Variants in PARP2 observed in about 807,000 individuals in gnomAD.
The protein encoded by PARP2 is poly [ADP-ribose] polymerase 2.
Under a neutral mutation model 77.8 loss-of-function variants are expected in PARP2, and 57 were observed. That is an observed-to-expected ratio of 0.73 (90% CI 0.59 to 0.91). The LOEUF (loss-of-function observed/expected upper bound fraction) is 0.91. PARP2 is among the 40% of genes least tolerant of loss of function. The pLI is 0.00. For missense variants in PARP2, 651 were observed against 689.0 expected (o/e 0.94, Z 0.62); for synonymous variants, 226 against 242.6 (o/e 0.93, Z 0.64).
rs566133010 is a variant in PARP2 at position 20,343,660 on chromosome 14, C to G, written c.19C>G (p.Arg7Gly). The change falls in exon 1 of 16, where the codon CGG (arginine) becomes GGG (glycine). Residue 7 changes from arginine (R) to glycine (G), a missense_variant. Arg to Gly is a moderately radical substitution (Grantham distance 125, BLOSUM62 -2). Transcript: ENST00000429687. ...GAATTCCATGGCGGCGCGGCGGCGACGGAGCACCGGCGGCGGCAGGGCGAG... is the reference window on the plus strand; with the variant it reads ...GAATTCCATGGCGGCGCGGCGGCGAGGGAGCACCGGCGGCGGCAGGGCGAG... MAARRR[R>G]STGGGRARAL... 8.1e-6 allele frequency: 13 copies of G among 1,610,650 alleles called. No individual in the cohort carries two copies. In the South Asian group the frequency reaches 1.2e-4, roughly 15 times the overall value.
Position 20,357,409 on chromosome 14 carries a change from A to T in PARP2, c.1442A>T (p.Gln481Leu), listed in dbSNP as rs763887814. 6.2e-7 allele frequency: 1 copy of T among 1,609,652 alleles called. No homozygotes were observed. Among genetic ancestry groups the T allele is most frequent in the Non-Finnish European group, 8.5e-7 (1 of 1,178,646 alleles). Reference protein sequence around the residue: ...LLLLSEVALGQCNELLEANPK... With the variant: ...LLLLSEVALGLCNELLEANPK... Reference sequence around the variant, plus strand: ...TTTGCTTTGCAGGTAGCTCTAGGTCAGTGTAATGAACTACTAGAGGCCAAT... The same window carrying T: ...TTTGCTTTGCAGGTAGCTCTAGGTCTGTGTAATGAACTACTAGAGGCCAAT... Residue 481 changes from glutamine (Q) to leucine (L), a missense_variant, in exon 15 of 16, where the codon CAG (glutamine) becomes CTG (leucine). Gln to Leu is a moderately radical substitution (Grantham distance 113). Coordinates refer to ENST00000429687, the MANE Select transcript of PARP2 (RefSeq NM_001042618.2).
At chr14:20,343,722 G>A (rs868031889) in intron 1 of PARP2, 35 bp downstream of exon 1, 2 of 1,603,076 alleles carry the variant, frequency 1.2e-6, no homozygotes, top group African/African-American at 1.3e-5. Flanking sequence ...GGCATGCGGG[G>A]GGCGGGCAGT....
In PARP2 at chr14:20,352,269, T is replaced by C. The variant is rs1040060515; in HGVS notation, c.522T>C (p.Asn174=). ...GATTCCTTGACAAAACGAAAAACAA[T>C]TGGGAAGATCGAGAAAAGTTTGAGA... ...QKKFLDKTKN[N]WEDREKFEKV... is the part of the protein sequence containing the mutation. The change falls in exon 7 of 16, where the codon AAT becomes AAC. Residue 174 remains asparagine (N), a synonymous_variant. Coordinates refer to ENST00000429687, the MANE Select transcript of PARP2 (RefSeq NM_001042618.2). The C allele has an allele frequency of 2.5e-6, 4 of 1,612,566 alleles. No homozygotes were observed. Among genetic ancestry groups the C allele is most frequent in the South Asian group, 1.1e-5 (1 of 91,048 alleles).
At chr14:20,356,534 G>A in intron 12 of PARP2, 56 bp from the exon 13 acceptor site, 1 of 1,598,792 alleles carries the variant, frequency 6.3e-7, no homozygotes, top group Non-Finnish European at 8.6e-7. Flanking sequence ...GCTTTTTTAT[G>A]CTTATGGCCT....
At chr14:20,355,655 G>T (rs1884116985) in intron 9 of PARP2, 97 bp from the exon 10 acceptor site, 1 of 875,298 alleles carries the variant, frequency 1.1e-6, no homozygotes, top group Non-Finnish European at 1.9e-6. Flanking sequence ...TCTCATACCT[G>T]TTTTCTAAAG....
At chr14:20,353,523 G>A (rs370185544) in intron 7 of PARP2, among the ~76,000 whole-genome samples, 10 of 152,274 alleles carry the variant, frequency 6.6e-5, no homozygotes, top group East Asian at 1.9e-4. Flanking sequence ...GATTACAAGC[G>A]TGAGCCACTG....
intron 4 of PARP2, 111 bp downstream of exon 4, chr14:20,347,024 TTTA>T: frequency 7.0e-6 from 5 of 710,816 alleles, no homozygotes; most frequent in African/African-American, 1.8e-5. Flanking sequence ...TTTTTTTTTT[TTTA>T]AATTTTGTTT....
rs1267393159 is a variant in PARP2, at chr14:20,345,056, TA to T, written c.173del (p.Asn58IlefsTer13). 1.1e-5 allele frequency: 17 copies of T among 1,613,938 alleles called. No individual in the cohort carries two copies. The highest frequency in any genetic ancestry group is 1.4e-5 in the Non-Finnish European group (17 of 1,179,982). ...AGATGCCTGTGGCTGGAGGAAAAGC[TA>T]ATAAGGACAGGACAGAAGACAAGCA... ...KKMPVAGGKA[N>X]KDRTEDKQDE... On this transcript the variant is annotated frameshift_variant, in exon 2 of 16. Coordinates refer to ENST00000429687, the MANE Select transcript of PARP2 (RefSeq NM_001042618.2). LOFTEE classifies it high-confidence loss of function.
chr14:20,353,974 G>A (rs1884050590), intron 7 of PARP2, 111 bp from the exon 8 acceptor site: 1 of 821,538 alleles, frequency 1.2e-6, no homozygotes, highest in Non-Finnish European at 1.9e-6. Context: ...TCCCTAGACA[G>A]TGCAATATAA....
In PARP2 at chr14:20,357,757, A is replaced by G; in HGVS notation, c.1673A>G (p.Tyr558Cys). 2 of 1,613,818 alleles carry G rather than the reference A, an allele frequency of 1.2e-6. No individual in the cohort carries two copies. Among genetic ancestry groups the G allele is most frequent in the Non-Finnish European group, 1.7e-6 (2 of 1,179,876 alleles). The change falls in exon 16 of 16, where the codon TAC becomes TGC. Residue 558 changes from tyrosine to cysteine, a missense_variant. Tyr to Cys is a radical substitution (Grantham distance 194, BLOSUM62 -2). Coordinates refer to ENST00000429687, the MANE Select transcript of PARP2 (RefSeq NM_001042618.2). ...AACCCCAACCAGGTCCGTATGCGGT[A>G]CCTTTTAAAGGTTCAGTTTAATTTC... ...VYNPNQVRMR[Y>C]LLKVQFNFLQ...
chr14:20,356,025 G>A lies in PARP2; in HGVS notation c.1095G>A (p.Glu365=), dbSNP rs748750325. Residue 365 remains glutamate, a synonymous_variant, in exon 11 of 16, where the codon GAG becomes GAA. Transcript: ENST00000429687. ...ALRPLDHESY[E]FKVISQYLQS... ...GCCCCCTTGACCATGAAAGTTATGA[G>A]TTCAAAGTAAGAAAAATGATCATTT... The A allele has an allele frequency of 3.9e-5, 63 of 1,612,986 alleles. No homozygotes were observed. Among genetic ancestry groups the A allele is most frequent in the Middle Eastern group, 1.6e-4 (1 of 6,078 alleles).
Position 20,355,954 on chromosome 14 carries a change from G to A in PARP2, c.1024G>A (p.Glu342Lys). The A allele has an allele frequency of 6.2e-7, 1 of 1,614,108 alleles. No individual in the cohort carries two copies. Residue 342 changes from glutamate to lysine, a missense_variant, in exon 11 of 16, where the codon GAA becomes AAA. Coordinates refer to ENST00000429687, the MANE Select transcript of PARP2 (RefSeq NM_001042618.2). ...GGTGAAAACAGAGCTACAAAGCCCAGAACACCCATTGGACCAACACTATAG... is the reference window on the plus strand; with the variant it reads ...GGTGAAAACAGAGCTACAAAGCCCAAAACACCCATTGGACCAACACTATAG... ...KLVKTELQSP[E>K]HPLDQHYRNL...
chr14:20,352,183 G>A (rs1185421138), intron 6 of PARP2, 62 bp from the exon 7 acceptor site: 6 of 859,970 alleles, frequency 7.0e-6, no homozygotes, highest in Non-Finnish European at 1.2e-5. Context: ...TTTCTGTCTT[G>A]TAAGTCCATC....
Position 20,357,438 on chromosome 14 carries a change from A to G in PARP2, c.1471A>G (p.Lys491Glu). ...QCNELLEANPKAEGLLQGKHS... is the reference protein window; with the variant it reads ...QCNELLEANPEAEGLLQGKHS... ...TAATGAACTACTAGAGGCCAATCCT[A>G]AGGCCGAAGGATTGCTTCAAGGTAA... is the stretch of plus-strand genomic sequence containing the variant. Residue 491 changes from lysine to glutamate, a missense_variant, in exon 15 of 16, where the codon AAG becomes GAG. Lys to Glu is a moderately conservative substitution (Grantham distance 56, BLOSUM62 1). Transcript: ENST00000429687. 1 of 1,613,650 alleles carries G rather than the reference A, an allele frequency of 6.2e-7. No individual in the cohort carries two copies. The highest frequency in any genetic ancestry group is 8.5e-7 in the Non-Finnish European group (1 of 1,179,764).
At position 20,356,011 on chromosome 14, in the gene PARP2, C is replaced by T. The variant is rs774029900; in HGVS notation, c.1081C>T (p.His361Tyr). 4.3e-6 allele frequency: 7 copies of T among 1,613,908 alleles called. No homozygotes were observed. Among genetic ancestry groups the T allele is most frequent in the Non-Finnish European group, 5.9e-6 (7 of 1,179,906 alleles). ...ACATTGTGCCTTGCGCCCCCTTGAC[C>T]ATGAAAGTTATGAGTTCAAAGTAAG... is the stretch of plus-strand genomic sequence containing the variant. ...NLHCALRPLD[H>Y]ESYEFKVISQ... Residue 361 changes from histidine (H) to tyrosine (Y), a missense_variant, in exon 11 of 16, where the codon CAT becomes TAT. Physicochemically the swap from His to Tyr is moderately conservative, Grantham distance 83 (BLOSUM62 2). Coordinates refer to ENST00000429687, the MANE Select transcript of PARP2 (RefSeq NM_001042618.2).
chr14:20,352,279 C>T lies in PARP2; in HGVS notation c.532C>T (p.Arg178Ter), dbSNP rs371808951. 2.2e-5 allele frequency: 35 copies of T among 1,612,910 alleles called. No individual in the cohort carries two copies. Among genetic ancestry groups the T allele is most frequent in the Non-Finnish European group, 2.8e-5 (33 of 1,179,046 alleles). ...CAAAACGAAAAACAATTGGGAAGAT[C>T]GAGAAAAGTTTGAGAAGGTGCCTGG... ...LDKTKNNWEDREKFEKVPGKY... is the reference protein window; with the variant it reads ...LDKTKNNWED The change falls in exon 7 of 16, where the codon CGA (arginine) becomes TGA (stop). Residue 178 changes from arginine to a stop codon, truncating the protein, a stop_gained. Transcript: ENST00000429687. LOFTEE classifies it high-confidence loss of function.
chr14:20,345,368 A>G (rs368251625), intron 2 of PARP2, 26 bp from the exon 3 acceptor site: 6 of 1,589,090 alleles, frequency 3.8e-6, no homozygotes, highest in Non-Finnish European at 5.2e-6. Flanking sequence ...ATTCCCATAA[A>G]GTAGTACCTA....
Position 20,357,282 on chromosome 14 carries a change from T to C in PARP2, c.1429-114T>C, listed in dbSNP as rs183868710. 134 of 1,358,968 alleles carry C rather than the reference T, an allele frequency of 9.9e-5. No homozygotes were observed. The Middle Eastern group carries it at 1.1e-3, about 11-fold the overall frequency. 84.2% of individuals were successfully genotyped at this position (1,358,968 alleles called of 1,614,324 possible). On this transcript the variant is annotated intron_variant, in intron 14 of 15. Coordinates refer to ENST00000429687, the MANE Select transcript of PARP2 (RefSeq NM_001042618.2). ...AGGACCAAGTACAATTTCTAGTACA[T>C]TGGATTCCTCTGCTGGAGTAGGGGA...
chr14:20,356,147 A>G, intron 11 of PARP2, 116 bp downstream of exon 11: 1 of 1,425,898 alleles, frequency 7.0e-7, no homozygotes, highest in Non-Finnish European at 9.6e-7. Context: ...CAGACTTTTT[A>G]TGTACTAGGG....
Sources: gnomAD v4.1 joint callset for allele counts (sites outside exome capture counted in the v4.1 genomes callset) on GRCh38, gnomAD v4.1.1 for gene constraint, MANE v1.5 for transcripts, NCBI Gene and HGNC (gene_info 2026-07-23, HGNC 2026-07-21) for gene names.